Variants in TRMT11 observed in about 807,000 individuals in gnomAD.
TRMT11 encodes tRNA (guanine(10)-N(2))-methyltransferase TRMT11.
TRMT11 carries 53 observed loss-of-function variants against 62.8 expected under a neutral mutation model. The observed-to-expected ratio is 0.84, with a 90% CI of 0.68 to 1.06. The LOEUF (loss-of-function observed/expected upper bound fraction) is 1.06. TRMT11 is among the 50% of genes least tolerant of loss of function. The probability of loss-of-function intolerance (pLI) is 0.00; values close to 1 mark genes in which losing one functional copy is unlikely to be tolerated. For missense variants in TRMT11, 556 were observed against 553.4 expected (o/e 1.00, Z -0.05); for synonymous variants, 188 against 190.3 (o/e 0.99, Z 0.10).
downstream of TRMT11, among the ~76,000 whole-genome samples, chr6:126,207,437 T>C (rs1778801192): frequency 6.6e-6 from 1 of 152,240 alleles, no homozygotes. Context: ...AGCATTGAGA[T>C]ACTAGTTTCA....
chr6:126,066,663 C>T (rs748605294), intron 17 of TRMT11, among the ~76,000 whole-genome samples: 3 of 152,112 alleles, frequency 2.0e-5, no homozygotes, highest in Admixed American at 6.5e-5. Context: ...GTCTGTAACA[C>T]GGACTGAGTT....
the TRMT11 span, among the ~76,000 whole-genome samples, chr6:126,238,702 A>C: frequency 6.6e-6 from 1 of 152,090 alleles, no homozygotes; most frequent in Non-Finnish European, 1.5e-5. Context: ...TTTGGGGTGG[A>C]GAGTTCTGTA....
the TRMT11 span, among the ~76,000 whole-genome samples, chr6:126,267,531 A>C: frequency 6.6e-6 from 1 of 152,160 alleles, no homozygotes; most frequent in Non-Finnish European, 1.5e-5. Flanking sequence ...TCCCTAATTA[A>C]TTTCTTCTTC....
chr6:126,171,287 T>A (rs1778327621), intron 21 of TRMT11, among the ~76,000 whole-genome samples: 1 of 151,976 alleles, frequency 6.6e-6, no homozygotes, highest in Non-Finnish European at 1.5e-5. Flanking sequence ...AGGCTTTTGC[T>A]GGCAATGGGA....
At chr6:126,269,557 CAT>C in the TRMT11 span, among the ~76,000 whole-genome samples, 608 of 152,300 alleles carry the variant, frequency 4.0e-3, 5 homozygotes, top group African/African-American at 0.014. Context: ...CACTTCTGAT[CAT>C]TTATTCTGAA....
intron 21 of TRMT11, among the ~76,000 whole-genome samples, chr6:126,129,200 CCTTT>C (rs1583883442): frequency 6.6e-6 from 1 of 152,064 alleles, no homozygotes; most frequent in African/African-American, 2.4e-5. Context: ...GACATTGTCC[CCTTT>C]CTTTCCACCT....
intron 17 of TRMT11, among the ~76,000 whole-genome samples, chr6:126,057,945 CT>C (rs1461755655): frequency 7.4e-6 from 1 of 135,294 alleles, no homozygotes; most frequent in Non-Finnish European, 1.6e-5. Context: ...AGTGGTATTT[CT>C]TTTTTTCTTT....
At chr6:126,079,229 AG>A (rs757776838) in intron 17 of TRMT11, among the ~76,000 whole-genome samples, 22 of 152,096 alleles carry the variant, frequency 1.4e-4, no homozygotes, top group Non-Finnish European at 2.9e-4. Flanking sequence ...TTTTTACTGA[AG>A]TTATAAGTTT....
the TRMT11 span, among the ~76,000 whole-genome samples, chr6:126,236,934 A>C: frequency 1.3e-5 from 2 of 152,150 alleles, no homozygotes; most frequent in Non-Finnish European, 2.9e-5. Flanking sequence ...TTTGGCCATG[A>C]GGGCTCTTCC....
downstream of TRMT11, among the ~76,000 whole-genome samples, chr6:126,203,649 G>C (rs991969818): frequency 3.3e-5 from 5 of 152,132 alleles, no homozygotes; most frequent in African/African-American, 1.2e-4. Flanking sequence ...ATGCAAAGCT[G>C]TTACGTACAA....
At chr6:126,024,789 T>TA (rs369580369) in intron 12 of TRMT11, among the ~76,000 whole-genome samples, 18 of 152,350 alleles carry the variant, frequency 1.2e-4, no homozygotes, top group African/African-American at 4.3e-4. Context: ...CCTAGTCACT[T>TA]ACTTCTCATG....
In TRMT11 at chr6:126,191,338, G is replaced by A. The variant is rs76770649; in HGVS notation, n.144-7461G>A. ...TGAATTGAGTTCCTCATATATTCTG[G>A]TTATTAACCCCTTGATAGATAGCTA... On this transcript the variant is annotated intron_variant and non_coding_transcript_variant, in intron 1 of 3. Transcript: ENST00000444229. Among the ~76,000 whole-genome samples the A allele has an allele frequency of 3.9e-3, 594 of 151,648 alleles. 4 individuals carry two copies. Among genetic ancestry groups the A allele is most frequent in the African/African-American group, 0.013 (545 of 41,356 alleles).
intron 17 of TRMT11, among the ~76,000 whole-genome samples, chr6:126,065,685 G>A (rs1776668857): frequency 6.6e-6 from 1 of 152,170 alleles, no homozygotes; most frequent in Admixed American, 6.5e-5. Flanking sequence ...TACTTGCAAA[G>A]TATTTAAAAC....
intron 17 of TRMT11, among the ~76,000 whole-genome samples, chr6:126,081,363 C>T (rs1187424362): frequency 6.6e-6 from 1 of 152,128 alleles, no homozygotes; most frequent in Non-Finnish European, 1.5e-5. Context: ...ATTCTTTCTT[C>T]TATTATACAG....
chr6:126,258,279 AGTAAACAC>A, the TRMT11 span: 167 of 510,466 alleles, frequency 3.3e-4, 1 homozygote, highest in Non-Finnish European at 5.8e-4. Flanking sequence ...GGGCTCTGAA[AGTAAACAC>A]GTGGTCCTGA....
At chr6:126,010,191 T>C (rs1303177328) in intron 8 of TRMT11, among the ~76,000 whole-genome samples, 1 of 152,026 alleles carries the variant, frequency 6.6e-6, no homozygotes, top group African/African-American at 2.4e-5. Context: ...GTGCCTATCA[T>C]TCTGTTGAAA....
intron 21 of TRMT11, among the ~76,000 whole-genome samples, chr6:126,151,833 T>TCTTTCTTTCTTTC (rs1554242233): frequency 7.0e-6 from 1 of 142,022 alleles, no homozygotes; most frequent in Non-Finnish European, 1.5e-5. Flanking sequence ...TTTCTTTCTT[T>TCTTTCTTTCTTTC]CTTTCTTTCT....
chr6:126,221,281 A>G, the TRMT11 span, among the ~76,000 whole-genome samples: 1 of 152,202 alleles, frequency 6.6e-6, no homozygotes, highest in Admixed American at 6.5e-5. Context: ...ATACCCAGTA[A>G]TGGGATTGCT....
At chr6:126,126,623 T>C (rs1456574239) in intron 21 of TRMT11, among the ~76,000 whole-genome samples, 1 of 152,098 alleles carries the variant, frequency 6.6e-6, no homozygotes, top group African/African-American at 2.4e-5. Flanking sequence ...TCTTCATGTT[T>C]TCTCTCCCTG....
Sources: gnomAD v4.1 joint callset for allele counts (sites outside exome capture counted in the v4.1 genomes callset) on GRCh38, gnomAD v4.1.1 for gene constraint, MANE v1.5 for transcripts, NCBI Gene and HGNC (gene_info 2026-07-23, HGNC 2026-07-21) for gene names.